Variants in TRPS1 observed in about 807,000 individuals in gnomAD.
The protein encoded by TRPS1 is transcriptional repressor GATA binding 1.
TRPS1 carries 6 observed loss-of-function variants against 101.2 expected under a neutral mutation model. The observed-to-expected ratio is 0.06, with a 90% CI of 0.03 to 0.12. The LOEUF (loss-of-function observed/expected upper bound fraction) is 0.12, where lower values mean the gene tolerates loss of function less well. Among genes scored for constraint, TRPS1 ranks in the 10% least tolerant of loss-of-function variants. The pLI, the probability that TRPS1 is intolerant of heterozygous loss-of-function variation, is 1.00. For synonymous variants in TRPS1, 578 were observed against 589.8 expected (o/e 0.98, Z 0.29); for missense variants, 1,363 against 1,567.0 (o/e 0.87, Z 2.20).
intron 5 of TRPS1, among the ~76,000 whole-genome samples, chr8:115,430,719 A>G (rs1813297192): frequency 6.6e-6 from 1 of 152,154 alleles, no homozygotes; most frequent in Admixed American, 6.5e-5. Flanking sequence ...ACATGTACAT[A>G]CAAACATATA....
intron 1 of TRPS1, among the ~76,000 whole-genome samples, chr8:115,649,826 T>A (rs908270805): frequency 2.0e-5 from 3 of 152,126 alleles, no homozygotes; most frequent in Non-Finnish European, 4.4e-5. Context: ...CTCCTTCCCA[T>A]CATTAAAGGG....
At chr8:115,456,125 T>C (rs1814017491) in intron 5 of TRPS1, among the ~76,000 whole-genome samples, 1 of 152,154 alleles carries the variant, frequency 6.6e-6, no homozygotes, top group South Asian at 2.1e-4. Context: ...AAATACTTTC[T>C]TATACAACAT....
At chr8:115,530,486 T>C (rs1816103375) in intron 5 of TRPS1, among the ~76,000 whole-genome samples, 1 of 152,052 alleles carries the variant, frequency 6.6e-6, no homozygotes, top group African/African-American at 2.4e-5. Flanking sequence ...ACAAAAATAA[T>C]CCACCCTGAT....
At position 115,439,549 on chromosome 8, in the gene TRPS1, TG is replaced by T. The variant is rs374923542; in HGVS notation, c.2701-21098del. ...GTAAAACTAAAATTTATTTTAATAG[TG>T]AAAAAGTTACATTTAAAGAGCACAG... On this transcript the variant is annotated intron_variant, in intron 5 of 6. Transcript: ENST00000395715. Among the ~76,000 whole-genome samples the T allele has an allele frequency of 7.2e-5, 11 of 152,338 alleles. No homozygotes were observed. In the East Asian group the frequency reaches 2.1e-3, roughly 29 times the overall value.
chr8:115,639,599 T>A (rs1423043595), intron 1 of TRPS1, among the ~76,000 whole-genome samples: 3 of 151,304 alleles, frequency 2.0e-5, no homozygotes, highest in Non-Finnish European at 4.4e-5. Context: ...GAAGGCCAAG[T>A]CGGTGGACCA....
chr8:115,636,279 C>T (rs78199141), intron 1 of TRPS1, among the ~76,000 whole-genome samples: 1,695 of 152,186 alleles, frequency 0.011, 44 homozygotes, highest in African/African-American at 0.038. Context: ...CTGTTTACTG[C>T]GCCACAGATG....
intron 5 of TRPS1, among the ~76,000 whole-genome samples, chr8:115,462,981 A>G (rs574227235): frequency 1.3e-4 from 20 of 152,290 alleles, no homozygotes; most frequent in South Asian, 6.2e-4. Context: ...AAAATTCTTA[A>G]TGGCTTTAAG....
Position 115,436,473 on chromosome 8 carries a change from C to T in TRPS1, c.2701-18021G>A, listed in dbSNP as rs113640906. ...GCAAACTTGGGTCATGTCCCTGCCCCACCATGGCCAGGTGAATAGAATTCC... is the reference window on the plus strand; with the variant it reads ...GCAAACTTGGGTCATGTCCCTGCCCTACCATGGCCAGGTGAATAGAATTCC... On this transcript the variant is annotated intron_variant, in intron 5 of 6. Transcript: ENST00000395715. 5.0e-3 allele frequency among the ~76,000 whole-genome samples: 757 copies of T among 152,290 alleles called. 7 individuals are homozygous for T. Among genetic ancestry groups the T allele is most frequent in the African/African-American group, 0.016 (677 of 41,558 alleles).
intron 3 of TRPS1, among the ~76,000 whole-genome samples, chr8:115,616,094 T>C (rs1014272873): frequency 1.3e-5 from 2 of 152,174 alleles, no homozygotes; most frequent in Non-Finnish European, 2.9e-5. Flanking sequence ...CTCAAGGTGT[T>C]GGGGGGAGAA....
chr8:115,495,091 T>G (rs1022487574), intron 5 of TRPS1, among the ~76,000 whole-genome samples: 1 of 152,134 alleles, frequency 6.6e-6, no homozygotes, highest in South Asian at 2.1e-4. Context: ...TCATTCCCTC[T>G]AGCCATGCAG....
At chr8:115,600,445 G>C (rs939366418) in intron 4 of TRPS1, among the ~76,000 whole-genome samples, 1 of 152,132 alleles carries the variant, frequency 6.6e-6, no homozygotes, top group African/African-American at 2.4e-5. Context: ...AGAAGTCAGA[G>C]GAAGAACTAA....
At chr8:115,656,284 A>G (rs1216702430) in intron 1 of TRPS1, among the ~76,000 whole-genome samples, 1 of 152,156 alleles carries the variant, frequency 6.6e-6, no homozygotes, top group East Asian at 1.9e-4. Flanking sequence ...CATGCAAAGC[A>G]GTCGAAAAAC....
At chr8:115,623,898 A>G in intron 1 of TRPS1, 140 bp from the exon 2 acceptor site, 1 of 668,734 alleles carries the variant, frequency 1.5e-6, no homozygotes, top group South Asian at 3.1e-5. Flanking sequence ...CTGGAGCAAG[A>G]TCCTCTCCCT....
chr8:115,614,430 G>GTCTT (rs1416790185), intron 3 of TRPS1, among the ~76,000 whole-genome samples: 1 of 152,192 alleles, frequency 6.6e-6, no homozygotes, highest in Admixed American at 6.5e-5. Context: ...TGTCATGCAG[G>GTCTT]TAAAGGGATT....
chr8:115,633,785 T>C (rs1818704430), intron 1 of TRPS1, among the ~76,000 whole-genome samples: 1 of 152,242 alleles, frequency 6.6e-6, no homozygotes, highest in South Asian at 2.1e-4. Flanking sequence ...TGCTAGATTC[T>C]ACCTTCATCT....
At chr8:115,613,128 C>A (rs979977373) in intron 3 of TRPS1, among the ~76,000 whole-genome samples, 1 of 152,128 alleles carries the variant, frequency 6.6e-6, no homozygotes, top group Non-Finnish European at 1.5e-5. Flanking sequence ...AAGTCAAACA[C>A]CTGGATGAAA....
chr8:115,581,788 T>A (rs1207654953), intron 5 of TRPS1, among the ~76,000 whole-genome samples: 1 of 152,160 alleles, frequency 6.6e-6, no homozygotes, highest in African/African-American at 2.4e-5. Flanking sequence ...CTATTACACA[T>A]AATGAATTTG....
intron 5 of TRPS1, among the ~76,000 whole-genome samples, chr8:115,533,460 C>CTTTTTT (rs1816200851): frequency 1.0e-5 from 1 of 95,998 alleles, no homozygotes. Context: ...TTTTTTTTTT[C>CTTTTTT]CTGAAAAAAA....
At chr8:115,661,282 T>G (rs978332872) in intron 1 of TRPS1, among the ~76,000 whole-genome samples, 2 of 152,086 alleles carry the variant, frequency 1.3e-5, no homozygotes, top group African/African-American at 4.8e-5. Context: ...GACTTCATAA[T>G]GTAGGTCATG....
Sources: gnomAD v4.1 joint callset for allele counts (sites outside exome capture counted in the v4.1 genomes callset) on GRCh38, gnomAD v4.1.1 for gene constraint, MANE v1.5 for transcripts, NCBI Gene and HGNC (gene_info 2026-07-23, HGNC 2026-07-21) for gene names.